Variants in SWAP70 observed in about 807,000 individuals in gnomAD.
SWAP70 encodes switching B cell complex subunit SWAP70, also known as switch-associated protein 70.
Under a neutral mutation model 80.2 loss-of-function variants are expected in SWAP70, and 34 were observed. The observed-to-expected ratio is 0.42, with a 90% confidence interval of 0.32 to 0.56. The LOEUF (loss-of-function observed/expected upper bound fraction) is 0.56. Among genes scored for constraint, SWAP70 ranks in the 20% least tolerant of loss-of-function variants. The pLI is 0.09. For synonymous variants in SWAP70, 239 were observed against 238.5 expected, an observed-to-expected ratio of 1.00 and a Z score of -0.02; for missense variants, 578 against 690.7, an observed-to-expected ratio of 0.84 and a Z score of 1.83.
chr11:9,708,907 A>G (rs1379378885), intron 2 of SWAP70, among the ~76,000 whole-genome samples: 1 of 152,148 alleles, frequency 6.6e-6, no homozygotes, highest in Non-Finnish European at 1.5e-5. Flanking sequence ...GGGAAGAGCT[A>G]GCATTTGAGA....
At chr11:9,684,749 A>G (rs1343243990) in intron 1 of SWAP70, among the ~76,000 whole-genome samples, 2 of 152,216 alleles carry the variant, frequency 1.3e-5, no homozygotes, top group African/African-American at 2.4e-5. Flanking sequence ...AATAAATGCA[A>G]AGACCCAGAT....
intron 1 of SWAP70, among the ~76,000 whole-genome samples, chr11:9,671,421 A>T (rs145241575): frequency 0.5 from 43,303 of 86,102 alleles, 11,084 homozygotes; most frequent in Non-Finnish European, 0.6. Flanking sequence ...TATATTTATA[A>T]ATATATATAT....
intron 11 of SWAP70, among the ~76,000 whole-genome samples, 169 bp from the exon 12 acceptor site, chr11:9,749,695 G>T (rs1282806710): frequency 2.0e-5 from 3 of 152,218 alleles, no homozygotes; most frequent in African/African-American, 7.2e-5. Flanking sequence ...AGAGGGCCCA[G>T]TTAATCCCCT....
intron 1 of SWAP70, among the ~76,000 whole-genome samples, chr11:9,671,618 T>A (rs1273077515): frequency 1.6e-4 from 5 of 32,032 alleles, no homozygotes; most frequent in African/African-American, 8.0e-4. Flanking sequence ...AGAAATATAT[T>A]TCTATATAAA....
chr11:9,713,608 AC>A lies in SWAP70; in HGVS notation c.384del (p.Asp128GlufsTer5). The A allele has an allele frequency of 6.2e-7, 1 of 1,613,718 alleles. No homozygotes were observed. The highest frequency in any genetic ancestry group is 8.5e-7 in the Non-Finnish European group (1 of 1,179,874). On this transcript the variant is annotated frameshift_variant, in exon 3 of 12. Coordinates refer to ENST00000318950, the MANE Select transcript of SWAP70 (RefSeq NM_015055.4). LOFTEE classifies it high-confidence loss of function. ...GTTATTTTCAACTTTTTATCTGAGG[AC>A]AAGTATCCATTAATTATTGTGTCAG... ...IWVIFNFLSE[D>X]KYPLIIVSEE...
At chr11:9,705,692 T>C (rs1850899508) in intron 2 of SWAP70, among the ~76,000 whole-genome samples, 1 of 141,900 alleles carries the variant, frequency 7.0e-6, no homozygotes, top group Non-Finnish European at 1.5e-5. Flanking sequence ...GTGATCTGTA[T>C]GCACTGGTGA....
At chr11:9,748,186 AAG>A (rs1265571202) in intron 10 of SWAP70, 130 bp downstream of exon 10, 7 of 955,612 alleles carry the variant, frequency 7.3e-6, no homozygotes, top group African/African-American at 5.0e-5. Flanking sequence ...AGAAAGAAAA[AAG>A]AGGGAGTTTT....
Position 9,694,122 on chromosome 11 carries a change from AAACGATTTTCTTTT to A in SWAP70, c.100-23_100-10del. On this transcript the variant is annotated splice_polypyrimidine_tract_variant and intron_variant, in intron 1 of 11. Transcript: ENST00000318950. ...CATGTGCTGGTTAGTGGGAGTCTTT[AAACGATTTTCTTTT>A]CCCTTGCAGGTCCTTTCCCATAACC... 1 of 1,577,636 alleles carries A rather than the reference AAACGATTTTCTTTT, an allele frequency of 6.3e-7. No homozygotes were observed. The highest frequency in any genetic ancestry group is 8.6e-7 in the Non-Finnish European group (1 of 1,162,804).
intron 9 of SWAP70, among the ~76,000 whole-genome samples, chr11:9,744,886 A>G (rs75722201): frequency 6.6e-6 from 1 of 151,470 alleles, no homozygotes; most frequent in Non-Finnish European, 1.5e-5. Context: ...CTCAAAAAAG[A>G]AAAAAACAAA....
chr11:9,698,313 C>T (rs1455673515), intron 2 of SWAP70, among the ~76,000 whole-genome samples: 1 of 152,020 alleles, frequency 6.6e-6, no homozygotes, highest in Non-Finnish European at 1.5e-5. Context: ...GTTGGCCAGG[C>T]TGGTCTTAAA....
In SWAP70 at chr11:9,675,320, C is replaced by CGA. The variant is rs111414369; in HGVS notation, c.99+11062_99+11063dup. ...AAGAAAGAAAGAAACAGAGAGGGAG[C>CGA]GAGAGAGAGAGAGAGAGAGAGGGAG... On this transcript the variant is annotated intron_variant, in intron 1 of 11. Transcript: ENST00000318950. Among the ~76,000 whole-genome samples, 78 of 31,482 alleles carry CGA rather than the reference C, an allele frequency of 2.5e-3. 7 individuals are homozygous for CGA. The highest frequency in any genetic ancestry group is 0.011 in the East Asian group (12 of 1,084). The allele number at this position is 31,482 out of a possible 152,430, so 20.7% of individuals were successfully genotyped here. A position where few individuals can be genotyped will look rare whatever the true frequency, so the allele number is the denominator to read the frequency against.
intron 1 of SWAP70, among the ~76,000 whole-genome samples, chr11:9,672,193 G>GTATATGTATATATATA (rs1427255406): frequency 5.3e-5 from 1 of 18,894 alleles, no homozygotes; most frequent in Non-Finnish European, 1.2e-4. Flanking sequence ...ATATGTGTGT[G>GTATATGTATATATATA]TCTATATATA....
At chr11:9,676,736 G>A (rs561576442) in intron 1 of SWAP70, among the ~76,000 whole-genome samples, 1 of 147,136 alleles carries the variant, frequency 6.8e-6, no homozygotes, top group Non-Finnish European at 1.5e-5. Context: ...TGCAAGCTCC[G>A]CCTCCTGGGT....
At chr11:9,689,373 G>T (rs187652319) in intron 1 of SWAP70, among the ~76,000 whole-genome samples, 1 of 152,220 alleles carries the variant, frequency 6.6e-6, no homozygotes, top group Non-Finnish European at 1.5e-5. Context: ...CATCTTGTCA[G>T]CAGAGGCCCT....
chr11:9,675,676 C>T (rs1850489911), intron 1 of SWAP70, among the ~76,000 whole-genome samples: 1 of 150,640 alleles, frequency 6.6e-6, no homozygotes, highest in African/African-American at 2.4e-5. Context: ...AAAAAGGGAA[C>T]CACTTCTGTC....
At chr11:9,698,688 A>G (rs962318792) in intron 2 of SWAP70, among the ~76,000 whole-genome samples, 1 of 152,236 alleles carries the variant, frequency 6.6e-6, no homozygotes, top group Non-Finnish European at 1.5e-5. Flanking sequence ...TATAGGTGTG[A>G]GCCATTGTGC....
chr11:9,677,573 T>C (rs1468080758), intron 1 of SWAP70, among the ~76,000 whole-genome samples: 1 of 152,194 alleles, frequency 6.6e-6, no homozygotes, highest in Non-Finnish European at 1.5e-5. Flanking sequence ...CCTTATTGTT[T>C]AGTAAATGTT....
chr11:9,722,495 G>A (rs1327956527), intron 3 of SWAP70, among the ~76,000 whole-genome samples: 1 of 152,152 alleles, frequency 6.6e-6, no homozygotes, highest in African/African-American at 2.4e-5. Flanking sequence ...AAGTACTAGG[G>A]GTTTTAATTA....
rs530452501 is a variant in SWAP70, at chr11:9,664,518, T to TG, written c.99+243dup. Among the ~76,000 whole-genome samples, 17 of 152,290 alleles carry TG rather than the reference T, an allele frequency of 1.1e-4. No homozygotes were observed. In the South Asian group the frequency reaches 3.5e-3, roughly 32 times the overall value. ...TAGTTCCCGCGGGTCTCCCAGGGAC[T>TG]GGGAAGGGTGGCGGGCATAAGGCTG... On this transcript the variant is annotated intron_variant, in intron 1 of 11. Coordinates refer to ENST00000318950, the MANE Select transcript of SWAP70 (RefSeq NM_015055.4).
Sources: gnomAD v4.1 joint callset for allele counts (sites outside exome capture counted in the v4.1 genomes callset) on GRCh38, gnomAD v4.1.1 for gene constraint, MANE v1.5 for transcripts, NCBI Gene and HGNC (gene_info 2026-07-23, HGNC 2026-07-21) for gene names.